Variants in UMAD1 observed in about 807,000 individuals in gnomAD.
UMAD1 encodes the protein UBAP1-MVB12-associated (UMA) domain containing 1, also known as UBAP1-MVB12-associated (UMA)-domain containing protein 1.
Under a neutral mutation model 6.1 loss-of-function variants are expected in UMAD1, and 8 were observed. The ratio of observed to expected loss-of-function variants is 1.30; its 90% CI spans 0.76 to 2.35. The LOEUF is 2.35. UMAD1 is among the 30% of genes most tolerant of loss of function. The pLI is 0.00. For missense variants in UMAD1, 130 were observed against 78.4 expected (o/e 1.66, Z -2.49); for synonymous variants, 56 against 31.4 (o/e 1.78, Z -2.61).
At chr7:7,792,181 A>C (rs1294658210) in intron 2 of UMAD1, among the ~76,000 whole-genome samples, 1 of 152,090 alleles carries the variant, frequency 6.6e-6, no homozygotes, top group East Asian at 1.9e-4. Context: ...TGCCATTTTA[A>C]TTTGCTTTTC....
At chr7:7,802,996 A>G (rs962533804) in intron 3 of UMAD1, among the ~76,000 whole-genome samples, 1 of 152,194 alleles carries the variant, frequency 6.6e-6, no homozygotes, top group African/African-American at 2.4e-5. Flanking sequence ...GGAGGAAGAA[A>G]ATCATCTTTC....
At chr7:7,653,097 T>G (rs1292713057) in intron 1 of UMAD1, among the ~76,000 whole-genome samples, 1 of 152,250 alleles carries the variant, frequency 6.6e-6, no homozygotes, top group African/African-American at 2.4e-5. Flanking sequence ...ATTTGTTTTA[T>G]GTGGAGAGAT....
chr7:7,721,730 C>G (rs1034560878), intron 2 of UMAD1, among the ~76,000 whole-genome samples: 2 of 152,122 alleles, frequency 1.3e-5, no homozygotes, highest in Non-Finnish European at 2.9e-5. Flanking sequence ...GCTACCTGCC[C>G]TCTCAGGGAT....
chr7:7,652,644 T>C (rs1320226929), intron 1 of UMAD1, among the ~76,000 whole-genome samples: 2 of 152,310 alleles, frequency 1.3e-5, no homozygotes, highest in African/African-American at 4.8e-5. Flanking sequence ...TCCGTGAATT[T>C]GGAGAAAGTG....
intron 2 of UMAD1, among the ~76,000 whole-genome samples, chr7:7,723,443 G>A (rs902561355): frequency 1.3e-5 from 2 of 152,192 alleles, no homozygotes; most frequent in African/African-American, 4.8e-5. Context: ...CCCACTATGA[G>A]CGAGCTGGAA....
chr7:7,646,480 A>ATT (rs35948027), intron 1 of UMAD1, among the ~76,000 whole-genome samples: 1,860 of 111,248 alleles, frequency 0.017, 41 homozygotes, highest in African/African-American at 0.046. Context: ...CTTTCGCTGG[A>ATT]TTTTTTTTTT....
At chr7:7,712,697 C>T (rs1490675866) in intron 2 of UMAD1, among the ~76,000 whole-genome samples, 1 of 152,132 alleles carries the variant, frequency 6.6e-6, no homozygotes, top group East Asian at 1.9e-4. Context: ...TGGTCTAGGA[C>T]CTCTAGTATG....
At position 7,835,203 on chromosome 7, in the gene UMAD1, TTCTG is replaced by T. The variant is rs545005521; in HGVS notation, c.156+33466_156+33469del. Among the ~76,000 whole-genome samples, 134 of 152,248 alleles carry T rather than the reference TTCTG, an allele frequency of 8.8e-4. No individual in the cohort carries two copies. The Middle Eastern group carries it at 0.017, about 19-fold the overall frequency. On this transcript the variant is annotated intron_variant, in intron 3 of 3. Transcript: ENST00000682710. ...CACTCATCATTGTAATTCTATCATT[TTCTG>T]TCTGTATTTCTGCTTTTTTATTGTT...
At chr7:7,730,997 T>TTTTG (rs576485376) in intron 2 of UMAD1, among the ~76,000 whole-genome samples, 4 of 152,092 alleles carry the variant, frequency 2.6e-5, no homozygotes, top group Admixed American at 6.6e-5. Context: ...CAAGTATGTT[T>TTTTG]TTTGTTTGTT....
chr7:7,658,001 A>T (rs920335655), intron 1 of UMAD1, among the ~76,000 whole-genome samples: 2 of 152,082 alleles, frequency 1.3e-5, no homozygotes, highest in Middle Eastern at 3.2e-3. Flanking sequence ...GCAGTGGTTT[A>T]TAATTCTTCT....
intron 2 of UMAD1, among the ~76,000 whole-genome samples, chr7:7,684,519 AT>A (rs1264253370): frequency 6.6e-6 from 1 of 151,424 alleles, no homozygotes; most frequent in Non-Finnish European, 1.5e-5. Context: ...ACCACAAGCA[AT>A]TTTTTTTTCT....
At chr7:7,842,533 A>G (rs942621323) in intron 3 of UMAD1, among the ~76,000 whole-genome samples, 2 of 151,964 alleles carry the variant, frequency 1.3e-5, no homozygotes, top group Non-Finnish European at 2.9e-5. Context: ...AAAGAGAAAT[A>G]TTACTGTATT....
intron 3 of UMAD1, among the ~76,000 whole-genome samples, chr7:7,833,397 C>T (rs1415570993): frequency 6.6e-6 from 1 of 152,016 alleles, no homozygotes; most frequent in Non-Finnish European, 1.5e-5. Context: ...ACTATCCTGA[C>T]ATGTGACCAC....
chr7:7,858,081 A>T (rs1784052261), intron 3 of UMAD1, among the ~76,000 whole-genome samples: 1 of 152,210 alleles, frequency 6.6e-6, no homozygotes, highest in Non-Finnish European at 1.5e-5. Flanking sequence ...TGGAGATTAA[A>T]ATAGTACCTA....
At chr7:7,740,730 G>C (rs533660505) in intron 2 of UMAD1, 13 of 152,250 alleles carry the variant, frequency 8.5e-5, no homozygotes, top group Admixed American at 4.6e-4. Flanking sequence ...AGTTTCTTTG[G>C]ACCTTATCCA....
chr7:7,669,609 T>G (rs775841793), intron 1 of UMAD1, among the ~76,000 whole-genome samples: 19 of 152,180 alleles, frequency 1.2e-4, no homozygotes, highest in Non-Finnish European at 2.2e-4. Flanking sequence ...GTCTTTAGCA[T>G]CAGCAGCAGT....
chr7:7,829,317 T>C (rs147180448), intron 3 of UMAD1, among the ~76,000 whole-genome samples: 2 of 152,346 alleles, frequency 1.3e-5, no homozygotes, highest in East Asian at 1.9e-4. Flanking sequence ...GCAATAACTC[T>C]CTACAAGTTT....
chr7:7,798,887 C>T (rs1007469346), intron 2 of UMAD1, among the ~76,000 whole-genome samples: 1 of 152,128 alleles, frequency 6.6e-6, no homozygotes, highest in Non-Finnish European at 1.5e-5. Flanking sequence ...GCTTGCCCAA[C>T]AGTAATCAAA....
At chr7:7,700,767 A>C (rs1780441003) in intron 2 of UMAD1, among the ~76,000 whole-genome samples, 1 of 152,168 alleles carries the variant, frequency 6.6e-6, no homozygotes, top group African/African-American at 2.4e-5. Flanking sequence ...GGGTGCCTGT[A>C]ATCAAAGCTA....
Sources: gnomAD v4.1 joint callset for allele counts (sites outside exome capture counted in the v4.1 genomes callset) on GRCh38, gnomAD v4.1.1 for gene constraint, MANE v1.5 for transcripts, NCBI Gene and HGNC (gene_info 2026-07-23, HGNC 2026-07-21) for gene names.